AGTPBP1: variants seen among roughly 807,000 people sequenced by gnomAD.
AGTPBP1 encodes cytosolic carboxypeptidase 1.
AGTPBP1 carries 70 observed loss-of-function variants against 143.9 expected under a neutral mutation model. The observed-to-expected ratio is 0.49, with a 90% CI of 0.40 to 0.59. The LOEUF (loss-of-function observed/expected upper bound fraction) is 0.59, where lower values mean the gene tolerates loss of function less well. Ranked by LOEUF, AGTPBP1 falls within the 20% of genes least tolerant of loss-of-function variation. The pLI, the probability that AGTPBP1 is intolerant of heterozygous loss-of-function variation, is 0.00. For synonymous variants in AGTPBP1, 463 were observed against 500.2 expected (o/e 0.93, Z 0.99); for missense variants, 1,229 against 1,464.5 (o/e 0.84, Z 2.62).
chr9:85,603,717 C>T (rs976301147), intron 17 of AGTPBP1, among the ~76,000 whole-genome samples: 1 of 152,056 alleles, frequency 6.6e-6, no homozygotes, highest in Non-Finnish European at 1.5e-5. Flanking sequence ...TTCTGGACAG[C>T]ATTTCGGGAC....
intron 2 of AGTPBP1, among the ~76,000 whole-genome samples, chr9:85,710,943 AT>A (rs1195951686): frequency 6.6e-6 from 1 of 152,202 alleles, no homozygotes; most frequent in African/African-American, 2.4e-5. Flanking sequence ...TCCTATAGAA[AT>A]TACACAAGTA....
At chr9:85,616,038 G>T (rs1162193907) in intron 17 of AGTPBP1, among the ~76,000 whole-genome samples, 1 of 151,806 alleles carries the variant, frequency 6.6e-6, no homozygotes, top group Non-Finnish European at 1.5e-5. Context: ...AAATTGCATT[G>T]GTTATGAGTC....
At chr9:85,562,554 GCT>G (rs1341806722) in intron 25 of AGTPBP1, among the ~76,000 whole-genome samples, 2 of 152,114 alleles carry the variant, frequency 1.3e-5, no homozygotes, top group African/African-American at 4.8e-5. Flanking sequence ...GTAGTTTTAA[GCT>G]CTGTTTAATT....
intron 2 of AGTPBP1, among the ~76,000 whole-genome samples, chr9:85,706,248 C>T (rs1836988931): frequency 6.6e-6 from 1 of 151,662 alleles, no homozygotes; most frequent in Admixed American, 6.6e-5. Flanking sequence ...CACAATGGCT[C>T]ACACCTGTAA....
chr9:85,750,007 A>C, the AGTPBP1 span, among the ~76,000 whole-genome samples: 1 of 151,700 alleles, frequency 6.6e-6, no homozygotes, highest in African/African-American at 2.4e-5. Flanking sequence ...TCAGCCTCCC[A>C]AGTAGCTGGG....
intron 13 of AGTPBP1, among the ~76,000 whole-genome samples, chr9:85,634,853 C>G (rs1195426376): frequency 6.6e-6 from 1 of 152,146 alleles, no homozygotes; most frequent in African/African-American, 2.4e-5. Flanking sequence ...ACACCAAACT[C>G]TCCAAAAACA....
At chr9:85,702,663 T>G (rs1209209059) in intron 2 of AGTPBP1, among the ~76,000 whole-genome samples, 1 of 152,066 alleles carries the variant, frequency 6.6e-6, no homozygotes, top group Non-Finnish European at 1.5e-5. Flanking sequence ...CTCTCTCTTT[T>G]TTTTTTTTAA....
chr9:85,705,398 C>T (rs1349606338), intron 2 of AGTPBP1, among the ~76,000 whole-genome samples: 3 of 151,858 alleles, frequency 2.0e-5, no homozygotes, highest in Non-Finnish European at 4.4e-5. Flanking sequence ...GCCAGGTAGC[C>T]AAGAGTGGTG....
chr9:85,778,697 C>T, the AGTPBP1 span, among the ~76,000 whole-genome samples: 10 of 152,224 alleles, frequency 6.6e-5, no homozygotes, highest in East Asian at 5.8e-4. Flanking sequence ...TAGGAAGGGC[C>T]GAATGCAGCA....
the AGTPBP1 span, among the ~76,000 whole-genome samples, chr9:85,774,215 G>T: frequency 1.3e-5 from 2 of 152,094 alleles, no homozygotes; most frequent in Non-Finnish European, 2.9e-5. Context: ...TTTGTTGTAG[G>T]GCTATTCATG....
intron 2 of AGTPBP1, among the ~76,000 whole-genome samples, chr9:85,694,901 T>C (rs1025795522): frequency 1.1e-4 from 17 of 152,230 alleles, no homozygotes; most frequent in African/African-American, 2.7e-4. Context: ...ATGAATTCAG[T>C]TGAAGGTTCA....
At chr9:85,596,278 C>G in intron 18 of AGTPBP1, 84 bp downstream of exon 18, 1 of 913,926 alleles carries the variant, frequency 1.1e-6, no homozygotes, top group Non-Finnish European at 1.6e-6. Flanking sequence ...AATAACTCTA[C>G]TGTTTCCTTT....
intron 25 of AGTPBP1, among the ~76,000 whole-genome samples, chr9:85,550,221 G>GAT (rs1825961585): frequency 6.6e-6 from 1 of 150,748 alleles, no homozygotes; most frequent in South Asian, 2.1e-4. Context: ...GAGAGAGAAA[G>GAT]ATATCAGGGG....
At chr9:85,608,507 ATCT>A (rs1830119581) in intron 17 of AGTPBP1, among the ~76,000 whole-genome samples, 1 of 152,084 alleles carries the variant, frequency 6.6e-6, no homozygotes, top group African/African-American at 2.4e-5. Flanking sequence ...TGAAAAATAT[ATCT>A]TCTTATGTGA....
intron 17 of AGTPBP1, 115 bp downstream of exon 17, chr9:85,618,868 G>C (rs1371803836): frequency 1.8e-6 from 2 of 1,136,630 alleles, no homozygotes; most frequent in Non-Finnish European, 2.4e-6. Context: ...TTGAGAACTA[G>C]AGAAAACAAG....
Position 85,724,314 on chromosome 9 carries a change from T to G in AGTPBP1, c.-33-11748A>C, listed in dbSNP as rs112199789. 8.2e-3 allele frequency among the ~76,000 whole-genome samples: 1,163 copies of G among 142,482 alleles called. 47 individuals carry two copies. Among genetic ancestry groups the G allele is most frequent in the Admixed American group, 0.073 (1,048 of 14,428 alleles). 93.5% of individuals were successfully genotyped at this position (142,482 alleles called of 152,430 possible). ...AAAAAAAAAAAAAAAAAGAAAGAAA[T>G]AAACATCTGTTCTTTATAAGCTACC... On this transcript the variant is annotated intron_variant, in intron 1 of 25. Transcript: ENST00000357081.
chr9:85,756,622 G>T, the AGTPBP1 span, among the ~76,000 whole-genome samples: 2,799 of 152,176 alleles, frequency 0.018, 74 homozygotes, highest in African/African-American at 0.064. Context: ...AGAAATGAAA[G>T]CATGTATCCA....
intron 19 of AGTPBP1, among the ~76,000 whole-genome samples, chr9:85,591,399 G>C (rs1329722003): frequency 6.6e-6 from 1 of 152,072 alleles, no homozygotes; most frequent in Non-Finnish European, 1.5e-5. Context: ...TGAATCCTAG[G>C]ACACTAGTTA....
At chr9:85,558,986 T>C (rs974330701) in intron 25 of AGTPBP1, among the ~76,000 whole-genome samples, 2 of 152,232 alleles carry the variant, frequency 1.3e-5, no homozygotes, top group Admixed American at 6.5e-5. Context: ...TCCTGAAATT[T>C]AGTCACCACT....
Sources: gnomAD v4.1 joint callset for allele counts (sites outside exome capture counted in the v4.1 genomes callset) on GRCh38, gnomAD v4.1.1 for gene constraint, MANE v1.5 for transcripts, NCBI Gene and HGNC (gene_info 2026-07-23, HGNC 2026-07-21) for gene names.